Variants in LOXHD1 observed in about 807,000 individuals in gnomAD.
LOXHD1 encodes lipoxygenase homology PLAT domains 1.
LOXHD1 carries 205 observed loss-of-function variants against 248.2 expected under a neutral mutation model. The observed-to-expected ratio is 0.83, with a 90% CI of 0.74 to 0.93. The LOEUF (loss-of-function observed/expected upper bound fraction) is 0.93, where lower values mean the gene tolerates loss of function less well. Among genes scored for constraint, LOXHD1 ranks in the 40% least tolerant of loss-of-function variants. The probability of loss-of-function intolerance (pLI) is 0.00; values close to 1 mark genes in which losing one functional copy is unlikely to be tolerated. For synonymous variants in LOXHD1, 1,113 were observed against 1,162.8 expected, an observed-to-expected ratio of 0.96 and a Z score of 0.87; for missense variants, 2,930 against 2,971.6, an observed-to-expected ratio of 0.99 and a Z score of 0.33.
intron 23 of LOXHD1, among the ~76,000 whole-genome samples, chr18:46,543,812 T>C (rs908726871): frequency 6.6e-6 from 1 of 152,102 alleles, no homozygotes; most frequent in Middle Eastern, 3.2e-3. Flanking sequence ...CCCTCACAAC[T>C]CTCTACATGG....
chr18:46,498,345 T>G (rs1371452981), intron 37 of LOXHD1, among the ~76,000 whole-genome samples: 1 of 152,204 alleles, frequency 6.6e-6, no homozygotes, highest in Non-Finnish European at 1.5e-5. Context: ...GCAGACTGTT[T>G]ATATTGAGAC....
intron 12 of LOXHD1, among the ~76,000 whole-genome samples, chr18:46,580,883 G>A (rs2144154588): frequency 6.6e-6 from 1 of 152,298 alleles, no homozygotes; most frequent in Non-Finnish European, 1.5e-5. Flanking sequence ...TATGTTCCAG[G>A]AGCAGAGAGA....
chr18:46,485,122 C>CT lies in LOXHD1; in HGVS notation c.6078_6079insA (p.Gly2027ArgfsTer29). 6.5e-7 allele frequency: 1 copy of CT among 1,548,976 alleles called. No homozygotes were observed. Among genetic ancestry groups the CT allele is most frequent in the Non-Finnish European group, 8.7e-7 (1 of 1,146,056 alleles). On this transcript the variant is annotated frameshift_variant, in exon 39 of 41. Transcript: ENST00000642948. LOFTEE classifies it high-confidence loss of function. The stretch of plus-strand genomic sequence containing the variant: ...CAGACGTTCTCCCTGGTTTCGCCTC[C>CT]GTTGCCCGTTTCTATGACGATCTCG...
At chr18:46,611,807 A>G (rs1366987507) in intron 5 of LOXHD1, among the ~76,000 whole-genome samples, 1 of 152,164 alleles carries the variant, frequency 6.6e-6, no homozygotes, top group Non-Finnish European at 1.5e-5. Flanking sequence ...CTAAGGCCTC[A>G]CTGTCCATCT....
intron 21 of LOXHD1, among the ~76,000 whole-genome samples, chr18:46,548,482 G>T (rs2036946009): frequency 6.6e-6 from 1 of 152,318 alleles, no homozygotes; most frequent in East Asian, 1.9e-4. Flanking sequence ...TGATGGCATG[G>T]ATTTAAAGGA....
chr18:46,535,871 G>A (rs2036289388), intron 26 of LOXHD1, among the ~76,000 whole-genome samples: 1 of 152,118 alleles, frequency 6.6e-6, no homozygotes, highest in Non-Finnish European at 1.5e-5. Flanking sequence ...GCGCCTGGTG[G>A]TCATCTCAGT....
At chr18:46,529,042 G>A in intron 29 of LOXHD1, 135 bp downstream of exon 29, 2 of 1,093,280 alleles carry the variant, frequency 1.8e-6, no homozygotes, top group South Asian at 1.6e-5. Flanking sequence ...GGAAGGGCAA[G>A]GGCAGAGGCC....
chr18:46,577,965 T>G, intron 13 of LOXHD1, 98 bp from the exon 14 acceptor site: 1 of 1,355,756 alleles, frequency 7.4e-7, no homozygotes, highest in Admixed American at 2.0e-5. Context: ...AATCCAGAGC[T>G]GATGGGTTAG....
intron 16 of LOXHD1, 100 bp from the exon 17 acceptor site, chr18:46,566,549 G>A (rs2037646519): frequency 9.8e-7 from 1 of 1,021,418 alleles, no homozygotes; most frequent in African/African-American, 1.6e-5. Flanking sequence ...ACACAACCCA[G>A]GTCTCCAGTC....
chr18:46,525,050 C>T (rs934877375), intron 29 of LOXHD1, 133 bp from the exon 30 acceptor site: 3 of 1,026,724 alleles, frequency 2.9e-6, no homozygotes, highest in Non-Finnish European at 4.3e-6. Context: ...GGGAGCCCTC[C>T]AGGCCCAAAT....
chr18:46,603,283 G>A (rs1180531583), intron 7 of LOXHD1, among the ~76,000 whole-genome samples: 1 of 152,088 alleles, frequency 6.6e-6, no homozygotes, highest in African/African-American at 2.4e-5. Context: ...AAGGCAAGCA[G>A]GGAGTTGAGG....
chr18:46,561,715 C>A (rs887641819), intron 18 of LOXHD1, among the ~76,000 whole-genome samples: 4 of 152,214 alleles, frequency 2.6e-5, no homozygotes, highest in African/African-American at 9.6e-5. Context: ...AACAAACCAC[C>A]TTTGCCAGAA....
intron 40 of LOXHD1, among the ~76,000 whole-genome samples, chr18:46,482,722 G>A (rs1402730023): frequency 6.6e-6 from 1 of 152,222 alleles, no homozygotes; most frequent in African/African-American, 2.4e-5. Context: ...GGTCCAGCCT[G>A]GCTGCCGCTT....
intron 14 of LOXHD1, among the ~76,000 whole-genome samples, chr18:46,575,800 C>T (rs1239633655): frequency 1.3e-5 from 2 of 152,156 alleles, no homozygotes; most frequent in Non-Finnish European, 2.9e-5. Flanking sequence ...TGAACACATG[C>T]CGTCATCAAC....
chr18:46,484,187 G>T (rs764661874), intron 39 of LOXHD1, among the ~76,000 whole-genome samples: 3 of 152,130 alleles, frequency 2.0e-5, no homozygotes, highest in African/African-American at 7.2e-5. Flanking sequence ...AGGTATGGGT[G>T]CAGGCAGCCT....
At chr18:46,491,706 AT>A (rs2033490525) in intron 37 of LOXHD1, among the ~76,000 whole-genome samples, 1 of 152,190 alleles carries the variant, frequency 6.6e-6, no homozygotes, top group Non-Finnish European at 1.5e-5. Flanking sequence ...TCACTACACA[AT>A]TACACTTTCC....
At chr18:46,504,129 T>G (rs187282998) in intron 37 of LOXHD1, among the ~76,000 whole-genome samples, 3 of 152,312 alleles carry the variant, frequency 2.0e-5, no homozygotes, top group Non-Finnish European at 4.4e-5. Flanking sequence ...GTTTTGTTTT[T>G]TTTTGAGACA....
At chr18:46,480,942 T>C (rs1266884713) in intron 40 of LOXHD1, among the ~76,000 whole-genome samples, 1 of 152,230 alleles carries the variant, frequency 6.6e-6, no homozygotes, top group Non-Finnish European at 1.5e-5. Flanking sequence ...AAGGTCTTTT[T>C]GTATGACCTT....
intron 25 of LOXHD1, 131 bp downstream of exon 25, chr18:46,541,645 G>C (rs1251277834): frequency 9.6e-6 from 9 of 936,396 alleles, no homozygotes; most frequent in Non-Finnish European, 1.5e-5. Flanking sequence ...ATTCAGGACA[G>C]GGATGAAAGA....
Sources: gnomAD v4.1 joint callset for allele counts (sites outside exome capture counted in the v4.1 genomes callset) on GRCh38, gnomAD v4.1.1 for gene constraint, MANE v1.5 for transcripts, NCBI Gene and HGNC (gene_info 2026-07-23, HGNC 2026-07-21) for gene names.